The following CIRSR variants were observed in gnomAD, a reference collection of about 807,000 sequenced individuals.
The protein encoded by CIRSR is corepressor of RBPJ and splicing regulator.
chr2:174,374,940 C>T, the CIRSR span, among the ~76,000 whole-genome samples: 2 of 152,178 alleles, frequency 1.3e-5, no homozygotes, highest in African/African-American at 4.8e-5. Flanking sequence ...ACCAATTAAA[C>T]ATTCATCACA....
the CIRSR span, chr2:174,381,835 A>C: frequency 8.6e-7 from 1 of 1,161,742 alleles, no homozygotes; most frequent in Non-Finnish European, 1.2e-6. Context: ...AAAATTATAG[A>C]ATAATCCACT....
chr2:174,381,667 A>C, the CIRSR span: 1 of 1,533,520 alleles, frequency 6.5e-7, no homozygotes, highest in Non-Finnish European at 8.8e-7. Flanking sequence ...AGAAAAAAAA[A>C]AAAGAAAGAA....
the CIRSR span, among the ~76,000 whole-genome samples, chr2:174,359,554 G>A: frequency 6.6e-6 from 1 of 152,068 alleles, no homozygotes; most frequent in African/African-American, 2.4e-5. Flanking sequence ...AAAAAGTCAG[G>A]AAACAACAGG....
the CIRSR span, among the ~76,000 whole-genome samples, chr2:174,369,277 C>T: frequency 3.3e-5 from 5 of 152,216 alleles, no homozygotes; most frequent in African/African-American, 1.2e-4. Context: ...CTGCTAGCTT[C>T]CAACTTTTCT....
chr2:174,354,771 T>TA, the CIRSR span, among the ~76,000 whole-genome samples: 466 of 23,706 alleles, frequency 0.02, 1 homozygote, highest in South Asian at 0.15. Flanking sequence ...TATATATATA[T>TA]TTTTTTTTTT....
chr2:174,380,778 T>C, the CIRSR span: 2 of 1,602,508 alleles, frequency 1.2e-6, no homozygotes, highest in East Asian at 2.2e-5. Context: ...TGCAAGTAAA[T>C]TCAGACATAG....
chr2:174,380,687 T>C, the CIRSR span: 1 of 1,612,820 alleles, frequency 6.2e-7, no homozygotes, highest in East Asian at 2.2e-5. Context: ...TTCAAATTTG[T>C]ATTCGGTCTC....
chr2:174,377,419 G>C, the CIRSR span, among the ~76,000 whole-genome samples: 45 of 152,278 alleles, frequency 3.0e-4, no homozygotes, highest in Non-Finnish European at 5.6e-4. Flanking sequence ...GTATCAGTGG[G>C]ATGTTCTTTT....
the CIRSR span, among the ~76,000 whole-genome samples, chr2:174,349,685 T>C: frequency 1.3e-5 from 2 of 151,938 alleles, no homozygotes; most frequent in African/African-American, 2.4e-5. Flanking sequence ...ATTAAAAAAT[T>C]AAATGCATCA....
the CIRSR span, chr2:174,370,028 G>A: frequency 1.5e-6 from 2 of 1,364,594 alleles, no homozygotes; most frequent in Non-Finnish European, 2.0e-6. Context: ...CAAAGGGCAA[G>A]AAAGTGAAGC....
the CIRSR span, chr2:174,351,520 T>C: frequency 3.3e-6 from 3 of 902,650 alleles, no homozygotes; most frequent in Admixed American, 2.4e-5. Context: ...CTTACTTTCC[T>C]ATGGATATAT....
chr2:174,394,058 T>C, the CIRSR span, among the ~76,000 whole-genome samples: 2 of 152,216 alleles, frequency 1.3e-5, no homozygotes, highest in South Asian at 4.1e-4. Flanking sequence ...CATAACACTT[T>C]ACACAGATGA....
the CIRSR span, among the ~76,000 whole-genome samples, chr2:174,390,972 T>G: frequency 6.6e-6 from 1 of 152,218 alleles, no homozygotes; most frequent in Admixed American, 6.5e-5. Context: ...CAGTCTCAGG[T>G]ATTTCTTCAT....
At chr2:174,383,455 C>T in the CIRSR span, among the ~76,000 whole-genome samples, 1 of 152,072 alleles carries the variant, frequency 6.6e-6, no homozygotes, top group Non-Finnish European at 1.5e-5. Flanking sequence ...CACGGGGGCT[C>T]ACATCTGTAA....
the CIRSR span, chr2:174,387,602 A>G: frequency 2.1e-6 from 3 of 1,428,674 alleles, no homozygotes; most frequent in Admixed American, 2.6e-5. Flanking sequence ...ATTCCAAAAA[A>G]CTGACTTAAT....
the CIRSR span, chr2:174,380,893 C>G: frequency 9.1e-7 from 1 of 1,093,402 alleles, no homozygotes; most frequent in South Asian, 1.5e-5. Context: ...ACTGTATACA[C>G]TATGATATCA....
At chr2:174,388,790 C>G in the CIRSR span, among the ~76,000 whole-genome samples, 1,931 of 152,198 alleles carry the variant, frequency 0.013, 43 homozygotes, top group African/African-American at 0.043. Flanking sequence ...CATCTTGAAT[C>G]ATAGTTCCCA....
the CIRSR span, chr2:174,395,401 C>A: frequency 1.3e-6 from 1 of 744,692 alleles, no homozygotes; most frequent in Non-Finnish European, 2.3e-6. Flanking sequence ...GCGAGCTGCT[C>A]AGCAGAGAAA....
At chr2:174,350,615 T>C in the CIRSR span, 1 of 1,285,914 alleles carries the variant, frequency 7.8e-7, no homozygotes. Flanking sequence ...CTGAGATGAA[T>C]ACTAAGGAAA....
Sources: gnomAD v4.1 joint callset for allele counts (sites outside exome capture counted in the v4.1 genomes callset) on GRCh38, gnomAD v4.1.1 for gene constraint, MANE v1.5 for transcripts, NCBI Gene and HGNC (gene_info 2026-07-23, HGNC 2026-07-21) for gene names.